The following BRWD1 variants were observed in gnomAD, a reference collection of about 807,000 sequenced individuals.
BRWD1 encodes the protein bromodomain and WD repeat domain containing 1, also known as bromodomain and WD repeat-containing protein 1.
Under a neutral mutation model 251.2 loss-of-function variants are expected in BRWD1, and 82 were observed. The ratio of observed to expected loss-of-function variants is 0.33; its 90% CI spans 0.27 to 0.39. BRWD1 has a LOEUF of 0.39. BRWD1 is among the 10% of genes least tolerant of loss of function. The probability of loss-of-function intolerance (pLI) is 1.00; values close to 1 mark genes in which losing one functional copy is unlikely to be tolerated. For missense variants in BRWD1, 2,233 were observed against 2,711.6 expected (o/e 0.82, Z 3.92); for synonymous variants, 918 against 902.8 (o/e 1.02, Z -0.30).
At chr21:39,272,184 C>T (rs145104523) in intron 13 of BRWD1, among the ~76,000 whole-genome samples, 14,123 of 151,274 alleles carry the variant, frequency 0.093, 859 homozygotes, top group Non-Finnish European at 0.14. Flanking sequence ...CCTGTAATCC[C>T]AGATCTTTGG....
intron 8 of BRWD1, among the ~76,000 whole-genome samples, chr21:39,282,034 ATATG>A (rs938875108): frequency 9.9e-5 from 15 of 151,738 alleles, no homozygotes; most frequent in African/African-American, 3.6e-4. Flanking sequence ...ATGTATAAGT[ATATG>A]TATGTACATA....
chr21:39,242,467 A>G (rs188827508), intron 21 of BRWD1, among the ~76,000 whole-genome samples: 22 of 152,374 alleles, frequency 1.4e-4, no homozygotes, highest in Admixed American at 1.4e-3. Flanking sequence ...GCATGTCCAT[A>G]ACATAAAAGT....
intron 21 of BRWD1, among the ~76,000 whole-genome samples, chr21:39,243,294 T>G (rs1011910871): frequency 2.0e-5 from 3 of 152,108 alleles, no homozygotes; most frequent in Non-Finnish European, 4.4e-5. Flanking sequence ...ATCAAGGAAC[T>G]AGACTAGATT....
At chr21:39,238,705 A>G (rs2033894154) in intron 21 of BRWD1, 132 bp from the exon 22 acceptor site, 1 of 591,798 alleles carries the variant, frequency 1.7e-6, no homozygotes, top group South Asian at 2.3e-5. Context: ...CAGTAAATAT[A>G]TAATCAGATA....
In BRWD1 at chr21:39,199,574, A is replaced by G. The variant is rs2032003225; in HGVS notation, c.4842T>C (p.Thr1614=). 2 of 1,614,196 alleles carry G rather than the reference A, an allele frequency of 1.2e-6. No individual in the cohort carries two copies. The highest frequency in any genetic ancestry group is 3.3e-5 in the Admixed American group (2 of 60,028). ...CAGCTCTGGCTTTTAGAATTTCACC[A>G]GTCTCCAATGAATTGTTATCAGAAT... is the stretch of plus-strand genomic sequence containing the variant. ...LSDSDNNSLE[T]GEILKARAGN... is the part of the protein sequence containing the mutation. Residue 1614 remains threonine, a synonymous_variant, in exon 40 of 41, where the codon ACT becomes ACC. Coordinates refer to ENST00000342449, the MANE Select transcript of BRWD1 (RefSeq NM_033656.4).
At chr21:39,307,014 C>G (rs183621235) in intron 4 of BRWD1, among the ~76,000 whole-genome samples, 1 of 152,134 alleles carries the variant, frequency 6.6e-6, no homozygotes, top group South Asian at 2.1e-4. Flanking sequence ...CCACCACGCC[C>G]GGCTAAGTTT....
chr21:39,254,840 T>C (rs1458247276), intron 19 of BRWD1, among the ~76,000 whole-genome samples: 5 of 152,210 alleles, frequency 3.3e-5, no homozygotes, highest in African/African-American at 1.2e-4. Context: ...TGCCTTCTGA[T>C]AGAATTATCA....
intron 21 of BRWD1, among the ~76,000 whole-genome samples, chr21:39,241,248 T>G (rs2033981155): frequency 6.6e-6 from 1 of 151,578 alleles, no homozygotes; most frequent in Non-Finnish European, 1.5e-5. Context: ...GGCAGATCAC[T>G]TGAGGTCAGG....
intron 8 of BRWD1, among the ~76,000 whole-genome samples, chr21:39,285,413 G>A (rs2146719961): frequency 6.6e-6 from 1 of 152,290 alleles, no homozygotes; most frequent in Admixed American, 6.5e-5. Flanking sequence ...CCATTACACA[G>A]TAAGGTGAGT....
At chr21:39,197,830 C>T (rs1425442772) in intron 40 of BRWD1, among the ~76,000 whole-genome samples, 1 of 152,208 alleles carries the variant, frequency 6.6e-6, no homozygotes. Flanking sequence ...TTGAGGACAG[C>T]TATGATTACT....
At position 39,293,905 on chromosome 21, in the gene BRWD1, C is replaced by G. The variant is rs760091505; in HGVS notation, c.737G>C (p.Gly246Ala). The G allele has an allele frequency of 6.2e-7, 1 of 1,614,146 alleles. No individual in the cohort carries two copies. The highest frequency in any genetic ancestry group is 8.5e-7 in the Non-Finnish European group (1 of 1,180,026). Residue 246 changes from glycine to alanine, a missense_variant, in exon 8 of 41, where the codon GGG becomes GCG. Gly to Ala is a moderately conservative substitution (Grantham distance 60). This residue lies in a region of BRWD1 where 185 missense variants were observed against 260.6 expected (regional missense o/e 0.71). Transcript: ENST00000342449. ...CACTCTAATAATTTTATCACAGCTC[C>G]CCGCAGCAATCATTGTATTCTCATA... ...VNYENTMIAA[G>A]SCDKIIRVWC...
rs923220692 is a variant in BRWD1 at position 39,199,547 on chromosome 21, T to G, written c.4869A>C (p.Gly1623=). The G allele has an allele frequency of 3.9e-5, 63 of 1,614,094 alleles. No homozygotes were observed. The highest frequency in any genetic ancestry group is 4.1e-5 in the Non-Finnish European group (48 of 1,180,048). The change falls in exon 40 of 41, where the codon GGA becomes GGC. Residue 1623 remains glycine (G), a synonymous_variant. Transcript: ENST00000342449. Reference sequence around the variant, plus strand: ...ACTTCCTTAAGACTTTTCGGTTATTTCCAGCTCTGGCTTTTAGAATTTCAC... The same window carrying G: ...ACTTCCTTAAGACTTTTCGGTTATTGCCAGCTCTGGCTTTTAGAATTTCAC... ...ETGEILKARA[G]NNRKVLRKCA...
intron 8 of BRWD1, among the ~76,000 whole-genome samples, chr21:39,289,635 T>C (rs751537420): frequency 2.0e-5 from 3 of 152,226 alleles, no homozygotes; most frequent in Non-Finnish European, 4.4e-5. Flanking sequence ...TTCAATGATA[T>C]ATTTTAATAG....
intron 4 of BRWD1, among the ~76,000 whole-genome samples, chr21:39,310,201 G>T (rs962314682): frequency 6.6e-6 from 1 of 152,226 alleles, no homozygotes; most frequent in Non-Finnish European, 1.5e-5. Context: ...AGTAAATATA[G>T]CAAGTTAGTA....
intron 40 of BRWD1, 114 bp downstream of exon 40, chr21:39,198,649 A>T: frequency 1.2e-6 from 1 of 842,150 alleles, no homozygotes. Flanking sequence ...GGAGAGAAAC[A>T]GCAAAGAGAA....
chr21:39,201,653 G>A (rs1453058331), intron 38 of BRWD1, among the ~76,000 whole-genome samples: 3 of 152,156 alleles, frequency 2.0e-5, no homozygotes, highest in African/African-American at 7.2e-5. Context: ...TCCATGCTAT[G>A]AATGTATCCC....
intron 17 of BRWD1, among the ~76,000 whole-genome samples, chr21:39,259,799 T>C (rs892628216): frequency 2.0e-5 from 3 of 152,098 alleles, no homozygotes; most frequent in Admixed American, 2.0e-4. Context: ...ATTATGCCAC[T>C]GCACTCTAGC....
At chr21:39,211,303 T>C (rs976906658) in intron 34 of BRWD1, among the ~76,000 whole-genome samples, 3 of 152,196 alleles carry the variant, frequency 2.0e-5, no homozygotes, top group Non-Finnish European at 4.4e-5. Context: ...CACATCATAA[T>C]CCTCATAACC....
intron 23 of BRWD1, chr21:39,235,372 T>C (rs1417195939): frequency 1.3e-5 from 2 of 152,700 alleles, no homozygotes; most frequent in Non-Finnish European, 2.9e-5. Context: ...TTCTTATAAA[T>C]GATAGCCAAC....
Sources: allele counts gnomAD v4.1 joint callset (sites outside exome capture counted in the v4.1 genomes callset), GRCh38; gene constraint gnomAD v4.1.1; regional missense constraint gnomAD v4.1.1; transcripts MANE v1.5; gene names NCBI Gene and HGNC (gene_info 2026-07-23, HGNC 2026-07-21).